Variants in RGS8 observed in about 807,000 individuals in gnomAD.
The protein encoded by RGS8 is regulator of G-protein signaling 8.
Under a neutral mutation model 21.7 loss-of-function variants are expected in RGS8, and 8 were observed. The observed-to-expected ratio is 0.37, with a 90% CI of 0.22 to 0.66. The LOEUF (loss-of-function observed/expected upper bound fraction) is 0.66. Ranked by LOEUF, RGS8 falls within the 30% of genes least tolerant of loss-of-function variation. The pLI is 0.59. For synonymous variants in RGS8, 80 were observed against 83.6 expected (o/e 0.96, Z 0.24); for missense variants, 157 against 217.9 (o/e 0.72, Z 1.76).
At chr1:182,714,066 TAAG>T in the RGS8 span, among the ~76,000 whole-genome samples, 1 of 152,148 alleles carries the variant, frequency 6.6e-6, no homozygotes, top group Non-Finnish European at 1.5e-5. Context: ...CCACTTCCTA[TAAG>T]AAGACTTTTC....
chr1:182,721,040 CATATACAT>C, the RGS8 span, among the ~76,000 whole-genome samples: 1,077 of 72,810 alleles, frequency 0.015, 54 homozygotes, highest in Non-Finnish European at 0.018. Flanking sequence ...TGTATATATA[CATATACAT>C]ACATATATAT....
At chr1:182,719,261 A>G in the RGS8 span, among the ~76,000 whole-genome samples, 7 of 152,208 alleles carry the variant, frequency 4.6e-5, no homozygotes, top group Non-Finnish European at 8.8e-5. Context: ...AATCAAAATC[A>G]GAAAAGCAGT....
At chr1:182,671,539 C>A in intron 2 of RGS8, 118 bp downstream of exon 3, 1 of 833,712 alleles carries the variant, frequency 1.2e-6, no homozygotes, top group Non-Finnish European at 2.0e-6. Flanking sequence ...AAACTAGAGC[C>A]TCCGAGGGAA....
chr1:182,712,232 C>T, the RGS8 span, among the ~76,000 whole-genome samples: 1 of 152,334 alleles, frequency 6.6e-6, no homozygotes, highest in South Asian at 2.1e-4. Flanking sequence ...AGGTTAGCTA[C>T]ACATCCATGA....
chr1:182,730,756 T>C, the RGS8 span, among the ~76,000 whole-genome samples: 3 of 151,952 alleles, frequency 2.0e-5, no homozygotes, highest in South Asian at 2.1e-4. Context: ...ATTTGCACTC[T>C]ACCTTGCAGA....
At chr1:182,739,579 G>T in the RGS8 span, among the ~76,000 whole-genome samples, 1 of 152,052 alleles carries the variant, frequency 6.6e-6, no homozygotes, top group African/African-American at 2.4e-5. Context: ...ATTGTATATT[G>T]GCTTTGTATT....
chr1:182,710,095 T>C, the RGS8 span, among the ~76,000 whole-genome samples: 2 of 152,200 alleles, frequency 1.3e-5, no homozygotes, highest in African/African-American at 4.8e-5. Context: ...CAGCGAAGGA[T>C]ACAGGAATTT....
At chr1:182,689,517 C>T (rs183568520), upstream of RGS8, among the ~76,000 whole-genome samples, 358 of 152,226 alleles carry the variant, frequency 2.4e-3, 4 homozygotes, top group African/African-American at 8.4e-3. Context: ...TAGAGAGGGG[C>T]CATCTCCCCT....
At chr1:182,676,573 A>G (rs1228349647), upstream of RGS8, among the ~76,000 whole-genome samples, 2 of 152,200 alleles carry the variant, frequency 1.3e-5, no homozygotes, top group Non-Finnish European at 2.9e-5. Context: ...ATGCACCTCT[A>G]TCTCATTCCT....
chr1:182,726,413 G>A, the RGS8 span, among the ~76,000 whole-genome samples: 1 of 152,184 alleles, frequency 6.6e-6, no homozygotes, highest in Non-Finnish European at 1.5e-5. Flanking sequence ...GCTCACGCCT[G>A]TAATCCCAGT....
At chr1:182,664,332 C>T (rs1475892242) in intron 5 of RGS8, among the ~76,000 whole-genome samples, 2 of 151,480 alleles carry the variant, frequency 1.3e-5, no homozygotes, top group Admixed American at 6.6e-5. Context: ...AAGTAGAGAA[C>T]CTTTAAGTAG....
At chr1:182,729,426 A>G in the RGS8 span, among the ~76,000 whole-genome samples, 1 of 152,240 alleles carries the variant, frequency 6.6e-6, no homozygotes, top group Admixed American at 6.5e-5. Flanking sequence ...TTTTTATTTA[A>G]AAATCATCCT....
the RGS8 span, among the ~76,000 whole-genome samples, chr1:182,731,263 A>G: frequency 2.0e-5 from 3 of 152,312 alleles, no homozygotes; most frequent in South Asian, 4.1e-4. Context: ...AAACTTAGCT[A>G]TGAAAAGTGA....
chr1:182,653,420 G>A (rs1221710557), intron 5 of RGS8, among the ~76,000 whole-genome samples: 1 of 151,862 alleles, frequency 6.6e-6, no homozygotes, highest in Non-Finnish European at 1.5e-5. Context: ...GTAGGGCCAG[G>A]CGCAGTTGCT....
upstream of RGS8, among the ~76,000 whole-genome samples, chr1:182,689,496 G>A (rs1272783756): frequency 6.6e-6 from 1 of 152,140 alleles, no homozygotes; most frequent in Non-Finnish European, 1.5e-5. Flanking sequence ...TAAGGTATAG[G>A]AGGAGAAAAG....
intron 4 of RGS8, 98 bp downstream of exon 5, chr1:182,666,774 A>AT (rs1279230960): frequency 2.1e-5 from 18 of 861,106 alleles, no homozygotes; most frequent in Non-Finnish European, 3.6e-5. Flanking sequence ...AAGAGACAGG[A>AT]TTTTTCCAGT....
At chr1:182,728,280 T>C in the RGS8 span, among the ~76,000 whole-genome samples, 53,149 of 151,994 alleles carry the variant, frequency 0.35, 9,539 homozygotes, top group African/African-American at 0.45. Context: ...AATAGAACAA[T>C]ATGCAACCAT....
the RGS8 span, among the ~76,000 whole-genome samples, chr1:182,689,896 T>G: frequency 6.6e-6 from 1 of 152,252 alleles, no homozygotes; most frequent in Non-Finnish European, 1.5e-5. Context: ...TCAAGGTCAC[T>G]TCTAGGGAAT....
chr1:182,751,272 C>T, the RGS8 span, among the ~76,000 whole-genome samples: 2 of 152,320 alleles, frequency 1.3e-5, no homozygotes, highest in African/African-American at 2.4e-5. Flanking sequence ...ATTACATCTA[C>T]ACTTTTAAAA....
Sources: allele counts gnomAD v4.1 joint callset (sites outside exome capture counted in the v4.1 genomes callset), GRCh38; gene constraint gnomAD v4.1.1; transcripts MANE v1.5; gene names NCBI Gene and HGNC (gene_info 2026-07-23, HGNC 2026-07-21).